Variants in RFC1 observed in about 807,000 individuals in gnomAD.
The protein encoded by RFC1 is A1 140 kDa subunit.
RFC1 carries 37 observed loss-of-function variants against 137.4 expected under a neutral mutation model. The ratio of observed to expected loss-of-function variants is 0.27; its 90% confidence interval spans 0.21 to 0.35. The LOEUF (loss-of-function observed/expected upper bound fraction) is 0.35, where lower values mean the gene tolerates loss of function less well. Ranked by LOEUF, RFC1 falls within the 10% of genes least tolerant of loss-of-function variation. RFC1 has a pLI of 1.00. For synonymous variants in RFC1, 429 were observed against 455.7 expected, an observed-to-expected ratio of 0.94 and a Z score of 0.75; for missense variants, 1,205 against 1,358.5, an observed-to-expected ratio of 0.89 and a Z score of 1.78.
chr4:39,359,425 G>GA (rs1192742373), intron 1 of RFC1, among the ~76,000 whole-genome samples: 1 of 152,158 alleles, frequency 6.6e-6, no homozygotes, highest in East Asian at 1.9e-4. Flanking sequence ...ACCCAGATGG[G>GA]ACTGGAAACT....
intron 19 of RFC1, among the ~76,000 whole-genome samples, chr4:39,301,092 A>G (rs1738332817): frequency 6.6e-6 from 1 of 151,932 alleles, no homozygotes. Context: ...GACTCCGAAA[A>G]AAAAAAAACC....
intron 2 of RFC1, among the ~76,000 whole-genome samples, chr4:39,349,897 G>C (rs1741098254): frequency 6.6e-6 from 1 of 152,122 alleles, no homozygotes; most frequent in Admixed American, 6.6e-5. Context: ...CCAGCTACTT[G>C]GGAGGCTGAG....
chr4:39,351,500 C>A (rs747908542), intron 1 of RFC1, 24 bp from the exon 2 acceptor site: 1 of 1,521,826 alleles, frequency 6.6e-7, no homozygotes, highest in South Asian at 1.3e-5. Flanking sequence ...ACAGGAGATT[C>A]ACGAATAAAC....
At chr4:39,338,088 G>C (rs552518637) in intron 4 of RFC1, among the ~76,000 whole-genome samples, 1 of 152,296 alleles carries the variant, frequency 6.6e-6, no homozygotes, top group African/African-American at 2.4e-5. Context: ...TATTTACCCA[G>C]TACAACAAGT....
intron 15 of RFC1, 23 bp downstream of exon 15, chr4:39,304,791 C>G (rs777546906): frequency 7.8e-7 from 1 of 1,286,232 alleles, no homozygotes; most frequent in East Asian, 2.3e-5. Context: ...ATAACAACAA[C>G]AGGAGGTCAA....
intron 1 of RFC1, among the ~76,000 whole-genome samples, chr4:39,362,969 A>C (rs1741832629): frequency 6.6e-6 from 1 of 152,236 alleles, no homozygotes. Flanking sequence ...CTCCAGGGAG[A>C]GCATTCCACA....
Position 39,289,931 on chromosome 4 carries a change from C to G in RFC1, c.3277G>C (p.Glu1093Gln). ...RHSTSPSLDSEYNEELNEDDS... is the reference protein window; with the variant it reads ...RHSTSPSLDSQYNEELNEDDS... ...TCTTCATTTAATTCTTCATTGTATT[C>G]CGAATCCAGGGATGGGCTTGTGCTG... The change falls in exon 24 of 25, where the codon GAA (glutamate) becomes CAA (glutamine). Residue 1093 changes from glutamate to glutamine, a missense_variant. Physicochemically the swap from Glu to Gln is conservative, Grantham distance 29. Around this residue, in one of 3 missense-constraint regions of RFC1, gnomAD observed 237 missense variants for 304.2 expected, o/e 0.78. Transcript: ENST00000349703. The G allele has an allele frequency of 6.2e-7, 1 of 1,613,132 alleles. No individual in the cohort carries two copies. Among genetic ancestry groups the G allele is most frequent in the Non-Finnish European group, 8.5e-7 (1 of 1,179,134 alleles).
chr4:39,363,376 G>A (rs187643130), intron 1 of RFC1, among the ~76,000 whole-genome samples: 1 of 152,214 alleles, frequency 6.6e-6, no homozygotes, highest in East Asian at 1.9e-4. Flanking sequence ...GGCAACAAAT[G>A]TTATCAGTTG....
At chr4:39,356,305 A>G (rs1160193113) in intron 1 of RFC1, among the ~76,000 whole-genome samples, 1 of 152,144 alleles carries the variant, frequency 6.6e-6, no homozygotes, top group Non-Finnish European at 1.5e-5. Context: ...AGGCTGAGGC[A>G]GGAGAACGGC....
intron 1 of RFC1, chr4:39,365,497 T>C: frequency 1.0e-6 from 1 of 985,356 alleles, no homozygotes; most frequent in Non-Finnish European, 1.2e-6. Flanking sequence ...TGCATAATCA[T>C]TTCACTTTCA....
chr4:39,324,788 A>G (rs909995661), intron 6 of RFC1, among the ~76,000 whole-genome samples: 1 of 152,230 alleles, frequency 6.6e-6, no homozygotes, highest in African/African-American at 2.4e-5. Context: ...TAGCAAGTAT[A>G]ATAAATGATA....
At chr4:39,332,993 G>C (rs1740178567) in intron 4 of RFC1, among the ~76,000 whole-genome samples, 1 of 152,186 alleles carries the variant, frequency 6.6e-6, no homozygotes, top group African/African-American at 2.4e-5. Flanking sequence ...TAAGTGCCCA[G>C]TGTAGCACCT....
Position 39,351,360 on chromosome 4 carries a change from T to C in RFC1, c.120A>G (p.Ile40Met). The C allele has an allele frequency of 6.4e-7, 1 of 1,558,786 alleles. No homozygotes were observed. The highest frequency in any genetic ancestry group is 1.2e-5 in the South Asian group (1 of 81,770). ...DEETLKAKKG[I>M]KEIKVNSSRK... ...CCAGAAAACTAACCTTGATTTCCTTTATTCCTTTCTTTGCTTTTAAAGTTT... is the reference window on the plus strand; with the variant it reads ...CCAGAAAACTAACCTTGATTTCCTTCATTCCTTTCTTTGCTTTTAAAGTTT... The change falls in exon 2 of 25, where the codon ATA becomes ATG. Residue 40 changes from isoleucine (I) to methionine (M), a missense_variant. Physicochemically the swap from Ile to Met is conservative, Grantham distance 10. Coordinates refer to ENST00000349703, the MANE Select transcript of RFC1 (RefSeq NM_002913.5).
chr4:39,357,846 T>TGACCTCATGATCCACCTCCC (rs911281665), intron 1 of RFC1, among the ~76,000 whole-genome samples: 1 of 151,978 alleles, frequency 6.6e-6, no homozygotes, highest in Non-Finnish European at 1.5e-5. Context: ...CTCAAACTCC[T>TGACCTCATGATCCACCTCCC]GACCTCATGA....
intron 22 of RFC1, 43 bp from the exon 23 acceptor site, chr4:39,291,895 A>C: frequency 1.4e-6 from 2 of 1,404,642 alleles, no homozygotes; most frequent in Non-Finnish European, 2.0e-6. Flanking sequence ...GCAAAGTATC[A>C]ACTCAAGTCA....
intron 1 of RFC1, among the ~76,000 whole-genome samples, chr4:39,365,299 G>T (rs1052611539): frequency 1.6e-4 from 21 of 129,236 alleles, no homozygotes; most frequent in African/African-American, 5.3e-4. Context: ...TCCCAGTGTG[G>T]CATAAAATTT....
intron 15 of RFC1, 139 bp downstream of exon 15, chr4:39,304,675 C>T (rs141637555): frequency 5.0e-5 from 33 of 663,942 alleles, no homozygotes; most frequent in East Asian, 2.5e-4. Flanking sequence ...TGATGTCAGA[C>T]GGCTTTCTTA....
Position 39,304,980 on chromosome 4 carries a change from A to C in RFC1, c.1996-52T>G, listed in dbSNP as rs3816773. 8.5e-4 allele frequency: 866 copies of C among 1,019,672 alleles called. 1 individual carries two copies. Among genetic ancestry groups the C allele is most frequent in the Non-Finnish European group, 1.1e-3 (677 of 642,826 alleles). 63.2% of individuals were successfully genotyped at this position (1,019,672 alleles called of 1,614,324 possible). A position where few individuals can be genotyped will look rare whatever the true frequency, so the allele number is the denominator to read the frequency against. Reference sequence around the variant, plus strand: ...AGGCACAATACAAATTAACTCCACCACCCCCGCCAAGAAAGGCCAGTTAAG... The same window carrying C: ...AGGCACAATACAAATTAACTCCACCCCCCCCGCCAAGAAAGGCCAGTTAAG... On this transcript the variant is annotated intron_variant, in intron 14 of 24. Coordinates refer to ENST00000349703, the MANE Select transcript of RFC1 (RefSeq NM_002913.5).
rs946365296 is a variant in RFC1 at position 39,302,319 on chromosome 4, C to A, written c.2494G>T (p.Ala832Ser). Residue 832 changes from alanine to serine, a missense_variant, in exon 19 of 25, where the codon GCC (alanine) becomes TCC (serine). Around this residue, in one of 3 missense-constraint regions of RFC1, gnomAD observed 962 missense variants for 1,035.3 expected, o/e 0.93. Transcript: ENST00000349703. ...TTGGCTCTGTGAGAATCAGCTTTGG[C>A]CTGGTCATAGGTTAATGCTTTACTT... Reference protein sequence around the residue: ...ARSKALTYDQAKADSHRAKKD... With the variant: ...ARSKALTYDQSKADSHRAKKD... 3 of 1,613,144 alleles carry A rather than the reference C, an allele frequency of 1.9e-6. No individual in the cohort carries two copies. Among genetic ancestry groups the A allele is most frequent in the Non-Finnish European group, 2.5e-6 (3 of 1,179,180 alleles).
Sources: allele counts gnomAD v4.1 joint callset (sites outside exome capture counted in the v4.1 genomes callset), GRCh38; gene constraint gnomAD v4.1.1; regional missense constraint gnomAD v4.1.1; transcripts MANE v1.5; gene names NCBI Gene and HGNC (gene_info 2026-07-23, HGNC 2026-07-21).